Variants in PTPDC1 observed in about 807,000 individuals in gnomAD.
PTPDC1 encodes protein tyrosine phosphatase domain containing 1.
PTPDC1 carries 53 observed loss-of-function variants against 75.3 expected under a neutral mutation model. The ratio of observed to expected loss-of-function variants is 0.70; its 90% CI spans 0.56 to 0.88. The LOEUF is 0.88. Ranked by LOEUF, PTPDC1 falls within the 40% of genes least tolerant of loss-of-function variation. The probability of loss-of-function intolerance (pLI) is 0.00; values close to 1 mark genes in which losing one functional copy is unlikely to be tolerated. For missense variants in PTPDC1, 925 were observed against 998.6 expected (o/e 0.93, Z 0.99); for synonymous variants, 349 against 366.2 (o/e 0.95, Z 0.54).
chr9:94,040,913 C>T (rs1345663035), intron 1 of PTPDC1, among the ~76,000 whole-genome samples: 1 of 152,158 alleles, frequency 6.6e-6, no homozygotes, highest in East Asian at 1.9e-4. Flanking sequence ...TTCTTGAACA[C>T]TTCTTATGTT....
chr9:94,091,141 G>A (rs1483610465), intron 4 of PTPDC1, among the ~76,000 whole-genome samples: 14 of 150,876 alleles, frequency 9.3e-5, no homozygotes, highest in Non-Finnish European at 3.0e-5. Flanking sequence ...GGTGAGAGAG[G>A]GCATCCCTGT....
intron 4 of PTPDC1, among the ~76,000 whole-genome samples, chr9:94,094,432 G>A (rs542415656): frequency 2.6e-5 from 4 of 152,286 alleles, no homozygotes; most frequent in South Asian, 4.1e-4. Context: ...CAGTCTGCCC[G>A]TTCTCAGATT....
At chr9:94,080,988 C>CTTTT (rs1254750314), upstream of PTPDC1, among the ~76,000 whole-genome samples, 23 of 127,534 alleles carry the variant, frequency 1.8e-4, 1 homozygote, top group Admixed American at 6.9e-4. Context: ...TTTTCTTTTT[C>CTTTT]TTTTTCTTTT....
chr9:94,067,253 G>A (rs1282460034), intron 2 of PTPDC1, among the ~76,000 whole-genome samples: 1 of 151,940 alleles, frequency 6.6e-6, no homozygotes, highest in African/African-American at 2.4e-5. Context: ...AGCCGAGCAT[G>A]GTGGCGTATG....
At chr9:94,098,720 G>A (rs147818617) in intron 6 of PTPDC1, 141 bp downstream of exon 6, 58 of 742,628 alleles carry the variant, frequency 7.8e-5, no homozygotes, top group East Asian at 3.8e-4. Flanking sequence ...CAGGTTTCTC[G>A]TCTCTGATGC....
At chr9:94,102,558 GGTTT>G (rs1282620579) in intron 7 of PTPDC1, among the ~76,000 whole-genome samples, 3 of 151,754 alleles carry the variant, frequency 2.0e-5, no homozygotes, top group Non-Finnish European at 2.9e-5. Context: ...TTTAAAACAG[GGTTT>G]GTTTTTGTTT....
chr9:94,054,311 G>C (rs1310203242), intron 1 of PTPDC1, among the ~76,000 whole-genome samples: 1 of 152,202 alleles, frequency 6.6e-6, no homozygotes, highest in Non-Finnish European at 1.5e-5. Context: ...TGTAGCTGCT[G>C]TATTGAGAAT....
intron 1 of PTPDC1, among the ~76,000 whole-genome samples, chr9:94,047,117 C>A (rs945380302): frequency 6.6e-6 from 1 of 152,062 alleles, no homozygotes; most frequent in Non-Finnish European, 1.5e-5. Context: ...TGGTTTTTGT[C>A]TTTGGTTCTG....
At chr9:94,078,229 T>C (rs935679528) in intron 2 of PTPDC1, among the ~76,000 whole-genome samples, 4 of 152,256 alleles carry the variant, frequency 2.6e-5, no homozygotes, top group African/African-American at 9.6e-5. Context: ...GCTTTTTGTT[T>C]ACCTGGGAAT....
At chr9:94,058,408 A>G (rs915551637) in intron 1 of PTPDC1, among the ~76,000 whole-genome samples, 1 of 152,122 alleles carries the variant, frequency 6.6e-6, no homozygotes, top group South Asian at 2.1e-4. Context: ...AGTAAGAAAA[A>G]AGCTATTGGG....
chr9:94,062,865 C>T (rs996333925), intron 1 of PTPDC1, among the ~76,000 whole-genome samples: 10 of 152,234 alleles, frequency 6.6e-5, no homozygotes, highest in East Asian at 5.8e-4. Context: ...ATAAATAAGA[C>T]GTGAATAGAC....
Position 94,104,346 on chromosome 9 carries a change from G to A in PTPDC1, c.2271G>A (p.Glu757=). 6.2e-7 allele frequency: 1 copy of A among 1,613,888 alleles called. No homozygotes were observed. Among genetic ancestry groups the A allele is most frequent in the Non-Finnish European group, 8.5e-7 (1 of 1,179,814 alleles). Residue 757 remains glutamate, a synonymous_variant, in exon 8 of 9, where the codon GAG becomes GAA. Transcript: ENST00000620992. ...VNLQTIPVDV[E]EAFLAHAIKA... ...TGCAGACAATTCCCGTGGATGTGGA[G>A]GAAGCTTTCCTTGCCCATGCCATTA...
At chr9:94,045,496 C>T (rs1458459640) in intron 1 of PTPDC1, among the ~76,000 whole-genome samples, 3 of 152,178 alleles carry the variant, frequency 2.0e-5, no homozygotes, top group African/African-American at 7.2e-5. Context: ...CACATCCTCT[C>T]CAGCACCTGT....
At chr9:94,088,832 G>C (rs943159048) in intron 4 of PTPDC1, among the ~76,000 whole-genome samples, 1 of 152,036 alleles carries the variant, frequency 6.6e-6, no homozygotes, top group South Asian at 2.1e-4. Context: ...CTTGGAACTT[G>C]TTTTTAAGAA....
upstream of PTPDC1, among the ~76,000 whole-genome samples, chr9:94,079,717 T>A (rs1423612921): frequency 1.3e-5 from 2 of 152,248 alleles, no homozygotes; most frequent in Non-Finnish European, 2.9e-5. Context: ...CAGAATTCTC[T>A]GTTTTTAAGG....
rs1409635924 is a variant in PTPDC1, at chr9:94,084,725, A to G, written c.195A>G (p.Ser65=). 2 of 1,610,652 alleles carry G rather than the reference A, an allele frequency of 1.2e-6. No homozygotes were observed. The highest frequency in any genetic ancestry group is 1.7e-5 in the Admixed American group (1 of 59,198). The change falls in exon 1 of 9, where the codon TCA becomes TCG. Residue 65 remains serine, a synonymous_variant. Coordinates refer to ENST00000620992, the MANE Select transcript of PTPDC1 (RefSeq NM_001253829.2). ...TCCAGGTGATGGTGGCTGTTTCCTC[A>G]GTCAGCCATGCAGAGGGAAACCCAA... ...SSLQVMVAVS[S]VSHAEGNPTF...
At chr9:94,088,363 C>A in intron 4 of PTPDC1, 100 bp downstream of exon 4, 1 of 1,342,292 alleles carries the variant, frequency 7.4e-7, no homozygotes. Flanking sequence ...GAAATAAATA[C>A]CTTCTGCATC....
At position 94,077,359 on chromosome 9, in the gene PTPDC1, G is replaced by T. The variant is rs959068033; in HGVS notation, c.83-7892G>T. ...CTAGAGATAGTGTCAGATCCAACAG[G>T]TTGAGGGCTAAGTCTTATAAGATTG... is the stretch of plus-strand genomic sequence containing the variant. On this transcript the variant is annotated intron_variant, in intron 2 of 9. Coordinates refer to the PTPDC1 transcript ENST00000375360. 8.5e-5 allele frequency among the ~76,000 whole-genome samples: 13 copies of T among 152,088 alleles called. 1 individual carries two copies. Among genetic ancestry groups the T allele is most frequent in the South Asian group, 6.2e-4 (3 of 4,816 alleles).
chr9:94,068,637 C>T (rs1314809918), intron 2 of PTPDC1, among the ~76,000 whole-genome samples: 3 of 152,184 alleles, frequency 2.0e-5, no homozygotes, highest in Admixed American at 6.5e-5. Flanking sequence ...TTTCAGACTA[C>T]GTAAATATCC....
Sources: allele counts gnomAD v4.1 joint callset (sites outside exome capture counted in the v4.1 genomes callset), GRCh38; gene constraint gnomAD v4.1.1; transcripts MANE v1.5; gene names NCBI Gene and HGNC (gene_info 2026-07-23, HGNC 2026-07-21).